CNTNAP2: variants seen among roughly 807,000 people sequenced by gnomAD.
CNTNAP2 encodes the protein contactin associated protein 2.
CNTNAP2 carries 98 observed loss-of-function variants against 155.2 expected under a neutral mutation model. The ratio of observed to expected loss-of-function variants is 0.63; its 90% CI spans 0.54 to 0.75. CNTNAP2 has a LOEUF of 0.75. Ranked by LOEUF, CNTNAP2 falls within the 30% of genes least tolerant of loss-of-function variation. The probability of loss-of-function intolerance (pLI) is 0.00; values close to 1 mark genes in which losing one functional copy is unlikely to be tolerated. For synonymous variants in CNTNAP2, 651 were observed against 631.2 expected, an observed-to-expected ratio of 1.03 and a Z score of -0.47; for missense variants, 1,727 against 1,688.1, an observed-to-expected ratio of 1.02 and a Z score of -0.40.
intron 13 of CNTNAP2, among the ~76,000 whole-genome samples, chr7:147,862,217 C>T (rs1029465859): frequency 2.0e-5 from 3 of 152,028 alleles, no homozygotes; most frequent in Non-Finnish European, 2.9e-5. Context: ...AAATGCCTGA[C>T]ACATAACTGT....
At chr7:148,346,567 TTC>T in intron 21 of CNTNAP2, among the ~76,000 whole-genome samples, 1 of 151,396 alleles carries the variant, frequency 6.6e-6, no homozygotes, top group African/African-American at 2.4e-5. Context: ...AGGTCAGGAG[TTC>T]GAGACCAGCC....
intron 13 of CNTNAP2, among the ~76,000 whole-genome samples, chr7:147,857,007 CAG>C (rs1472415895): frequency 2.0e-5 from 3 of 152,146 alleles, no homozygotes; most frequent in Non-Finnish European, 1.5e-5. Context: ...AAGGGAGAGA[CAG>C]AGGCTGGGAC....
chr7:147,743,817 G>C (rs1406402024), intron 13 of CNTNAP2, among the ~76,000 whole-genome samples: 1 of 151,850 alleles, frequency 6.6e-6, no homozygotes, highest in African/African-American at 2.4e-5. Context: ...TCCTCCCCCA[G>C]CTCCGTGGCT....
At chr7:146,380,784 CTTTTTTTTTTTTTTTTTTTTT>C (rs56886106) in intron 1 of CNTNAP2, among the ~76,000 whole-genome samples, 3 of 38,810 alleles carry the variant, frequency 7.7e-5, no homozygotes, top group African/African-American at 1.6e-4. Context: ...TATGCACGTT[CTTTTTTTTTTTTTTTTTTTTT>C]TTTTTTTTTT....
At chr7:146,860,448 T>C (rs995905925) in intron 3 of CNTNAP2, among the ~76,000 whole-genome samples, 3 of 152,130 alleles carry the variant, frequency 2.0e-5, no homozygotes, top group East Asian at 1.9e-4. Flanking sequence ...GGCATTTCCA[T>C]TGACAGAGAT....
intron 1 of CNTNAP2, among the ~76,000 whole-genome samples, chr7:146,563,455 A>G (rs912585897): frequency 6.6e-6 from 1 of 152,138 alleles, no homozygotes; most frequent in Admixed American, 6.5e-5. Context: ...CCCCAGAGAC[A>G]AAACATGCTG....
At chr7:148,411,110 T>C (rs1799824722) in intron 23 of CNTNAP2, among the ~76,000 whole-genome samples, 1 of 152,210 alleles carries the variant, frequency 6.6e-6, no homozygotes, top group Non-Finnish European at 1.5e-5. Context: ...CATAATAATT[T>C]GACTCTCCTC....
intron 9 of CNTNAP2, among the ~76,000 whole-genome samples, chr7:147,383,263 C>T (rs1796568750): frequency 6.6e-6 from 1 of 152,084 alleles, no homozygotes. Context: ...TTCAAGTGAT[C>T]ATTCACCTAA....
chr7:146,320,335 A>T (rs1225631580), intron 1 of CNTNAP2, among the ~76,000 whole-genome samples: 1 of 152,090 alleles, frequency 6.6e-6, no homozygotes, highest in African/African-American at 2.4e-5. Flanking sequence ...TCCAAAAAAG[A>T]TGTTAATGCA....
intron 7 of CNTNAP2, among the ~76,000 whole-genome samples, chr7:147,131,134 A>T (rs1801347154): frequency 6.7e-6 from 1 of 150,154 alleles, no homozygotes; most frequent in East Asian, 2.0e-4. Flanking sequence ...TATATATACC[A>T]TATACATATA....
chr7:146,457,536 A>ATG (rs1796575124), intron 1 of CNTNAP2, among the ~76,000 whole-genome samples: 1 of 98,452 alleles, frequency 1.0e-5, no homozygotes, highest in African/African-American at 4.1e-5. Context: ...ATATATATAT[A>ATG]GTCACCCAGG....
chr7:147,249,090 A>G (rs1804129177), intron 8 of CNTNAP2, among the ~76,000 whole-genome samples: 1 of 152,208 alleles, frequency 6.6e-6, no homozygotes. Context: ...TTGAAAATAC[A>G]AAGCAAGTTT....
At chr7:146,394,088 C>G (rs1044820463) in intron 1 of CNTNAP2, among the ~76,000 whole-genome samples, 2 of 152,116 alleles carry the variant, frequency 1.3e-5, no homozygotes, top group African/African-American at 4.8e-5. Flanking sequence ...TTCTGGCTGA[C>G]CCATGGCAAT....
At chr7:147,575,319 ATG>A (rs5888272) in intron 12 of CNTNAP2, among the ~76,000 whole-genome samples, 1,306 of 124,306 alleles carry the variant, frequency 0.011, 34 homozygotes, top group African/African-American at 0.037. Context: ...GGGTATATAT[ATG>A]TGTGTGTGTG....
At position 147,073,329 on chromosome 7, in the gene CNTNAP2, C is replaced by A. The variant is rs868495997; in HGVS notation, c.550+29275C>A. 1.6e-3 allele frequency among the ~76,000 whole-genome samples: 236 copies of A among 144,660 alleles called. 3 individuals carry two copies. Among genetic ancestry groups the A allele is most frequent in the African/African-American group, 4.4e-3 (173 of 38,886 alleles). The allele number at this position is 144,660 out of a possible 152,430, so 94.9% of individuals were successfully genotyped here. ...CAGGAATGTAAAAAAAAAAAAAAAACCACAAATACTGTATGTTCTCGCTTG... is the reference window on the plus strand; with the variant it reads ...CAGGAATGTAAAAAAAAAAAAAAAAACACAAATACTGTATGTTCTCGCTTG... On this transcript the variant is annotated intron_variant, in intron 4 of 23. Coordinates refer to ENST00000361727, the MANE Select transcript of CNTNAP2 (RefSeq NM_014141.6).
chr7:148,017,673 C>T (rs1384178177), intron 15 of CNTNAP2, among the ~76,000 whole-genome samples: 1 of 152,176 alleles, frequency 6.6e-6, no homozygotes, highest in Non-Finnish European at 1.5e-5. Flanking sequence ...ACCATTGCAA[C>T]ACTACTCAGA....
chr7:148,292,349 A>G (rs1356160637), intron 21 of CNTNAP2, among the ~76,000 whole-genome samples: 1 of 152,216 alleles, frequency 6.6e-6, no homozygotes, highest in African/African-American at 2.4e-5. Flanking sequence ...CAGATTAATT[A>G]TGGACGTAAT....
intron 8 of CNTNAP2, among the ~76,000 whole-genome samples, chr7:147,228,999 T>G (rs1265326434): frequency 6.6e-6 from 1 of 152,146 alleles, no homozygotes; most frequent in Non-Finnish European, 1.5e-5. Flanking sequence ...TCCTTTTGTA[T>G]GGCTGCATAG....
At chr7:146,468,497 G>A (rs1401560267) in intron 1 of CNTNAP2, among the ~76,000 whole-genome samples, 1 of 152,078 alleles carries the variant, frequency 6.6e-6, no homozygotes, top group Non-Finnish European at 1.5e-5. Flanking sequence ...TGCAAGGAGA[G>A]TGTACAACCC....
Sources: gnomAD v4.1 joint callset for allele counts (sites outside exome capture counted in the v4.1 genomes callset) on GRCh38, gnomAD v4.1.1 for gene constraint, MANE v1.5 for transcripts, NCBI Gene and HGNC (gene_info 2026-07-23, HGNC 2026-07-21) for gene names.